The following TASOR variants were observed in gnomAD, a reference collection of about 807,000 sequenced individuals.
The protein encoded by TASOR is protein TASOR.
Under a neutral mutation model 178.6 loss-of-function variants are expected in TASOR, and 53 were observed. The observed-to-expected ratio is 0.30, with a 90% CI of 0.24 to 0.37. The LOEUF is 0.37. TASOR is among the 10% of genes least tolerant of loss of function. The probability of loss-of-function intolerance (pLI) is 1.00; values close to 1 mark genes in which losing one functional copy is unlikely to be tolerated. For synonymous variants in TASOR, 713 were observed against 696.2 expected, an observed-to-expected ratio of 1.02 and a Z score of -0.38; for missense variants, 1,815 against 1,971.4, an observed-to-expected ratio of 0.92 and a Z score of 1.50.
intron 14 of TASOR, 140 bp from the exon 15 acceptor site, chr3:56,641,892 G>A (rs2077132542): frequency 1.2e-5 from 9 of 781,676 alleles, no homozygotes; most frequent in Non-Finnish European, 1.7e-5. Context: ...ACAAATATTC[G>A]CATCACTTTA....
Position 56,621,529 on chromosome 3 carries a change from C to A in TASOR, c.*1508G>T. 6.3e-7 allele frequency: 1 copy of A among 1,579,446 alleles called. No individual in the cohort carries two copies. The highest frequency in any genetic ancestry group is 8.6e-7 in the Non-Finnish European group (1 of 1,162,958). On this transcript the variant is annotated 3_prime_UTR_variant, in exon 24 of 24. Coordinates refer to ENST00000683822, the MANE Select transcript of TASOR (RefSeq NM_001365635.2). ...TAACAAACATATATCAATGTGATTT[C>A]AGGGCCTTCTCCAGAAGCAAAAGGA...
At chr3:56,624,797 A>G in intron 22 of TASOR, 31 bp downstream of exon 22, 4 of 1,605,064 alleles carry the variant, frequency 2.5e-6, no homozygotes, top group Non-Finnish European at 3.4e-6. Context: ...TCCTATATTC[A>G]TAGTAGAAAG....
At chr3:56,677,954 CA>C (rs1353603940) in intron 1 of TASOR, among the ~76,000 whole-genome samples, 2 of 152,092 alleles carry the variant, frequency 1.3e-5, no homozygotes, top group Admixed American at 1.3e-4. Flanking sequence ...GTCAGAAGAA[CA>C]GCTAAGTTGA....
intron 12 of TASOR, 41 bp from the exon 13 acceptor site, chr3:56,648,934 C>A (rs756572892): frequency 1.3e-6 from 2 of 1,598,176 alleles, no homozygotes; most frequent in East Asian, 4.5e-5. Context: ...TGTGTTTTAA[C>A]TAAAAAGTTA....
In TASOR at chr3:56,669,749, G is replaced by A; in HGVS notation, c.686C>T (p.Pro229Leu). The change falls in exon 5 of 24, where the codon CCT becomes CTT. Residue 229 changes from proline to leucine, a missense_variant. Coordinates refer to ENST00000683822, the MANE Select transcript of TASOR (RefSeq NM_001365635.2). ...SRYADLLQAN[P>L]LDTGAMGDVV... is the part of the protein sequence containing the mutation. ...ATCACCCATTGCCCCCGTGTCCAAAGGATTCGCTTGTAATAAATCAGCATA... is the reference window on the plus strand; with the variant it reads ...ATCACCCATTGCCCCCGTGTCCAAAAGATTCGCTTGTAATAAATCAGCATA... 1 of 1,549,342 alleles carries A rather than the reference G, an allele frequency of 6.5e-7. No homozygotes were observed. The highest frequency in any genetic ancestry group is 8.7e-7 in the Non-Finnish European group (1 of 1,146,004).
chr3:56,648,401 G>A (rs1429519174), intron 13 of TASOR, among the ~76,000 whole-genome samples: 1 of 152,106 alleles, frequency 6.6e-6, no homozygotes, highest in Non-Finnish European at 1.5e-5. Context: ...ACCGAGGCAG[G>A]AGGATCACTT....
At chr3:56,648,686 G>T (rs1578235300) in intron 13 of TASOR, 136 bp downstream of exon 13, 2 of 398,836 alleles carry the variant, frequency 5.0e-6, no homozygotes, top group Non-Finnish European at 9.5e-6. Context: ...GTCTTATATT[G>T]CTAATACCTC....
At chr3:56,623,689 T>C (rs1047440624) in intron 23 of TASOR, 123 bp from the exon 24 acceptor site, 5 of 1,545,674 alleles carry the variant, frequency 3.2e-6, no homozygotes, top group Non-Finnish European at 4.4e-6. Context: ...CCCTTAAAGC[T>C]TGGTCTTCTG....
In TASOR at chr3:56,633,484, T is replaced by C; in HGVS notation, c.3307A>G (p.Ser1103Gly). The change falls in exon 18 of 24, where the codon AGT becomes GGT. Residue 1103 changes from serine (S) to glycine (G), a missense_variant. By Grantham distance (56) the Ser-to-Gly change is moderately conservative. This residue lies in a region of TASOR where 655 missense variants were observed against 671.1 expected (regional missense o/e 0.98). Transcript: ENST00000683822. ...ATCTTAGCACCAGAATCGTTAGGAC[T>C]GACTGGTGGCAAATTCCCACCCTTG... ...SAKGGNLPPV[S>G]PNDSGAKIAS... 6.2e-7 allele frequency: 1 copy of C among 1,614,208 alleles called. No homozygotes were observed. Among genetic ancestry groups the C allele is most frequent in the Non-Finnish European group, 8.5e-7 (1 of 1,180,038 alleles).
intron 18 of TASOR, 159 bp from the exon 19 acceptor site, chr3:56,628,773 T>C: frequency 2.0e-6 from 1 of 509,852 alleles, no homozygotes; most frequent in Non-Finnish European, 3.3e-6. Flanking sequence ...TCCTTTTTTT[T>C]TTTCTTTGAG....
At chr3:56,650,980 C>T (rs1272677641) in intron 11 of TASOR, among the ~76,000 whole-genome samples, 1 of 152,162 alleles carries the variant, frequency 6.6e-6, no homozygotes, top group East Asian at 1.9e-4. Context: ...TTTGTGCTCA[C>T]TGACGAAAAC....
intron 11 of TASOR, among the ~76,000 whole-genome samples, chr3:56,658,366 C>T (rs2077516635): frequency 6.6e-6 from 1 of 152,048 alleles, no homozygotes; most frequent in African/African-American, 2.4e-5. Context: ...TATCAGTAAC[C>T]GAAAGATATT....
chr3:56,669,673 T>C lies in TASOR; in HGVS notation c.735+27A>G, dbSNP rs768825522. On this transcript the variant is annotated intron_variant, in intron 5 of 23. Coordinates refer to ENST00000683822, the MANE Select transcript of TASOR (RefSeq NM_001365635.2). ...AATCCAAATCAAGTGTAGTTTTTCA[T>C]ACATGAAGTGTGTAAGTTTAAATTA... 5.1e-5 allele frequency: 70 copies of C among 1,372,612 alleles called. No individual in the cohort carries two copies. The Middle Eastern group carries it at 7.1e-4, about 14-fold the overall frequency. 85.0% of individuals were successfully genotyped at this position (1,372,612 alleles called of 1,614,324 possible). A position where few individuals can be genotyped will look rare whatever the true frequency, so the allele number is the denominator to read the frequency against.
chr3:56,671,076 C>G (rs887403887), intron 3 of TASOR, among the ~76,000 whole-genome samples: 6 of 151,738 alleles, frequency 4.0e-5, no homozygotes, highest in Admixed American at 3.9e-4. Flanking sequence ...CGCGGTGGCT[C>G]ACACCTGTAA....
At chr3:56,630,294 C>A (rs11921326) in intron 18 of TASOR, among the ~76,000 whole-genome samples, 48,228 of 152,012 alleles carry the variant, frequency 0.32, 8,078 homozygotes, top group East Asian at 0.49. Context: ...CAGTTTAATT[C>A]ACATAATAAA....
At chr3:56,680,115 G>T (rs2031663061) in intron 1 of TASOR, among the ~76,000 whole-genome samples, 1 of 152,068 alleles carries the variant, frequency 6.6e-6, no homozygotes. Context: ...TATTCAAACT[G>T]GGTAGCAAGA....
intron 11 of TASOR, among the ~76,000 whole-genome samples, chr3:56,658,655 C>T (rs1257778978): frequency 2.0e-5 from 3 of 152,124 alleles, no homozygotes; most frequent in African/African-American, 7.2e-5. Context: ...GGTGGCTCAC[C>T]CAACACTTTG....
chr3:56,646,577 A>T lies in TASOR; in HGVS notation c.2160T>A (p.Asn720Lys), dbSNP rs2077243187. 6.2e-7 allele frequency: 1 copy of T among 1,610,278 alleles called. No homozygotes were observed. The highest frequency in any genetic ancestry group is 1.3e-5 in the African/African-American group (1 of 74,828). The change falls in exon 14 of 24, where the codon AAT (asparagine) becomes AAA (lysine). Residue 720 changes from asparagine to lysine, a missense_variant. Physicochemically the swap from Asn to Lys is moderately conservative, Grantham distance 94 (BLOSUM62 0). Transcript: ENST00000683822. ...TACTGGTTTTGGCGAGCTTTCTCATATTTTCAGGTAGATCCTCAAGCTTCC... is the reference window on the plus strand; with the variant it reads ...TACTGGTTTTGGCGAGCTTTCTCATTTTTTCAGGTAGATCCTCAAGCTTCC... Reference protein sequence around the residue: ...LKRKLEDLPENMRKLAKTSNL... With the variant: ...LKRKLEDLPEKMRKLAKTSNL...
chr3:56,675,572 A>G (rs894859116), intron 1 of TASOR, among the ~76,000 whole-genome samples: 1 of 130,990 alleles, frequency 7.6e-6, no homozygotes, highest in Non-Finnish European at 1.6e-5. Context: ...TGCACAAAAT[A>G]CTTTAATTTA....
Sources: allele counts gnomAD v4.1 joint callset (sites outside exome capture counted in the v4.1 genomes callset), GRCh38; gene constraint gnomAD v4.1.1; regional missense constraint gnomAD v4.1.1; transcripts MANE v1.5; gene names NCBI Gene and HGNC (gene_info 2026-07-23, HGNC 2026-07-21).